PRKX: variants seen among roughly 807,000 people sequenced by gnomAD.
PRKX encodes protein kinase cAMP-dependent X-linked catalytic subunit.
A neutral mutation model predicts 22.0 loss-of-function variants in PRKX; 12 were observed. The observed-to-expected ratio is 0.54, with a 90% CI of 0.35 to 0.88. The LOEUF (loss-of-function observed/expected upper bound fraction) is 0.88, where lower values mean the gene tolerates loss of function less well. Among genes scored for constraint, PRKX ranks in the 40% least tolerant of loss-of-function variants. The pLI, the probability that PRKX is intolerant of heterozygous loss-of-function variation, is 0.01. For missense variants in PRKX, 217 were observed against 308.0 expected, an observed-to-expected ratio of 0.70 and a Z score of 2.21; for synonymous variants, 134 against 137.7, an observed-to-expected ratio of 0.97 and a Z score of 0.19.
chrX:3,667,418 A>G (rs1018263915), intron 2 of PRKX: 5 of 108,744 alleles, frequency 4.6e-5, no homozygotes, highest in African/African-American at 1.7e-4. Flanking sequence ...TCCAACATCT[A>G]TGCCATGTGA....
chrX:3,627,243 G>A (rs111783495), intron 4 of PRKX, among the ~76,000 whole-genome samples: 9 of 109,310 alleles, frequency 8.2e-5, no homozygotes, highest in African/African-American at 2.7e-4. Flanking sequence ...TTAGCCAGGC[G>A]TGGTGGCACG....
At chrX:3,613,852 CTCAAAAA>C (rs1254959970) in intron 7 of PRKX, among the ~76,000 whole-genome samples, 2 of 18,594 alleles carry the variant, frequency 1.1e-4, no homozygotes, top group Non-Finnish European at 1.6e-4. Flanking sequence ...GAGACTCCAT[CTCAAAAA>C]AAAAAAAAAA....
intron 1 of PRKX, among the ~76,000 whole-genome samples, chrX:3,679,343 T>C (rs1014698028): frequency 1.8e-5 from 2 of 112,636 alleles, no homozygotes; most frequent in African/African-American, 6.4e-5. Flanking sequence ...TGCATGAATT[T>C]GTTTAGGATA....
intron 8 of PRKX, among the ~76,000 whole-genome samples, chrX:3,610,098 A>C (rs1395682950): frequency 1.8e-5 from 2 of 112,180 alleles, no homozygotes; most frequent in Non-Finnish European, 3.8e-5. Flanking sequence ...TCCTGCATAA[A>C]ATTCCTGCAA....
chrX:3,654,802 T>C (rs942801112), intron 3 of PRKX, among the ~76,000 whole-genome samples: 3 of 110,866 alleles, frequency 2.7e-5, no homozygotes, highest in African/African-American at 9.9e-5. Context: ...AGAGATATTG[T>C]ATCCTATTCG....
At chrX:3,649,623 GTTAGAGGAGGC>G (rs1927269049) in intron 3 of PRKX, among the ~76,000 whole-genome samples, 2 of 6,102 alleles carry the variant, frequency 3.3e-4, no homozygotes, top group African/African-American at 6.6e-4. Flanking sequence ...GGAGGGGAGG[GTTAGAGGAGGC>G]GAGGGGAGGG....
intron 2 of PRKX, chrX:3,667,372 GAGA>G (rs1194812478): frequency 9.0e-6 from 1 of 110,726 alleles, no homozygotes; most frequent in Non-Finnish European, 1.9e-5. Context: ...CTTTTGTGGT[GAGA>G]AGAAGAAAAT....
chrX:3,648,631 T>TGTGTGTGTGTGTGTGTGCGC (rs1927242089), intron 3 of PRKX, among the ~76,000 whole-genome samples: 2 of 104,810 alleles, frequency 1.9e-5, no homozygotes, highest in African/African-American at 7.1e-5. Flanking sequence ...TGTGTGTGTG[T>TGTGTGTGTGTGTGTGTGCGC]GTGTGTGTGT....
chrX:3,632,563 G>A lies in PRKX; in HGVS notation c.720-6049C>T, dbSNP rs186968283. ...AAAACATTTATGGAGAATATTAAACGAAGTGCTCTTGGACAGTAGACATTA... is the reference window on the plus strand; with the variant it reads ...AAAACATTTATGGAGAATATTAAACAAAGTGCTCTTGGACAGTAGACATTA... On this transcript the variant is annotated intron_variant, in intron 4 of 8. Coordinates refer to ENST00000262848, the MANE Select transcript of PRKX (RefSeq NM_005044.5). Among the ~76,000 whole-genome samples the A allele has an allele frequency of 4.2e-3, 470 of 111,910 alleles. 1 individual carries two copies. The highest frequency in any genetic ancestry group is 0.014 in the African/African-American group (440 of 30,801).
At chrX:3,624,586 C>T (rs1022611854) in intron 5 of PRKX, among the ~76,000 whole-genome samples, 6 of 110,124 alleles carry the variant, frequency 5.4e-5, no homozygotes, top group Admixed American at 2.9e-4. Context: ...GGAAACCCCC[C>T]CCATATATAT....
At chrX:3,650,520 CAAAAAAA>C (rs748871957) in intron 3 of PRKX, among the ~76,000 whole-genome samples, 4 of 37,854 alleles carry the variant, frequency 1.1e-4, no homozygotes, top group African/African-American at 4.6e-4. Context: ...GACTCCTCTC[CAAAAAAA>C]AAAAAAAAAA....
In PRKX at chrX:3,678,423, T is replaced by C. The variant is rs139199973; in HGVS notation, c.167-3657A>G. On this transcript the variant is annotated intron_variant, in intron 1 of 8. Coordinates refer to ENST00000262848, the MANE Select transcript of PRKX (RefSeq NM_005044.5). ...ATAACATTCTGTCTTAGTACTTGTA[T>C]TTGACCCTCAACAGAGAGAATTCTC... 3.7e-4 allele frequency among the ~76,000 whole-genome samples: 42 copies of C among 112,175 alleles called. No individual in the cohort carries two copies. The East Asian group carries it at 0.011, about 31-fold the overall frequency.
chrX:3,647,055 G>T, intron 3 of PRKX, among the ~76,000 whole-genome samples: 1 of 111,058 alleles, frequency 9.0e-6, no homozygotes, highest in Non-Finnish European at 1.9e-5. Flanking sequence ...GAAGCTAGGG[G>T]AAAAGGTCTA....
intron 1 of PRKX, among the ~76,000 whole-genome samples, chrX:3,689,742 C>G (rs1484468619): frequency 9.0e-6 from 1 of 111,585 alleles, no homozygotes; most frequent in Non-Finnish European, 1.9e-5. Context: ...CTTTGGGAGG[C>G]CAAGGCGGGC....
chrX:3,638,964 T>C (rs755344557), intron 4 of PRKX, among the ~76,000 whole-genome samples: 2 of 101,412 alleles, frequency 2.0e-5, no homozygotes, highest in African/African-American at 7.3e-5. Flanking sequence ...GATAAAAAGA[T>C]CGTAGAGATA....
intron 6 of PRKX, among the ~76,000 whole-genome samples, chrX:3,618,957 T>C (rs1222446539): frequency 1.8e-5 from 2 of 112,102 alleles, no homozygotes; most frequent in East Asian, 2.8e-4. Flanking sequence ...CCTGGCTGGA[T>C]AGGCTCCTCG....
intron 1 of PRKX, among the ~76,000 whole-genome samples, chrX:3,692,512 G>A (rs1318608432): frequency 9.2e-6 from 1 of 108,825 alleles, no homozygotes; most frequent in African/African-American, 3.3e-5. Flanking sequence ...AGGCTATGGA[G>A]AGTAAGCAAC....
intron 1 of PRKX, among the ~76,000 whole-genome samples, chrX:3,706,862 C>G (rs1483204260): frequency 1.8e-5 from 2 of 112,247 alleles, no homozygotes; most frequent in African/African-American, 6.5e-5. Context: ...ATGGTGGATG[C>G]ACCTGTAGTC....
intron 7 of PRKX, among the ~76,000 whole-genome samples, chrX:3,613,952 A>G (rs1450938754): frequency 9.1e-6 from 1 of 109,722 alleles, no homozygotes; most frequent in Non-Finnish European, 1.9e-5. Context: ...AGCATTTCTA[A>G]GCATTCTCCA....
Sources: allele counts gnomAD v4.1 joint callset (sites outside exome capture counted in the v4.1 genomes callset), GRCh38; gene constraint gnomAD v4.1.1; transcripts MANE v1.5; gene names NCBI Gene and HGNC (gene_info 2026-07-23, HGNC 2026-07-21).